The following PTPRD variants were observed in gnomAD, a reference collection of about 807,000 sequenced individuals.
PTPRD encodes the protein receptor-type tyrosine-protein phosphatase delta.
Under a neutral mutation model 214.5 loss-of-function variants are expected in PTPRD, and 34 were observed. The observed-to-expected ratio is 0.16, with a 90% CI of 0.12 to 0.21. PTPRD has a LOEUF of 0.21. Among genes scored for constraint, PTPRD ranks in the 10% least tolerant of loss-of-function variants. The pLI is 1.00. For missense variants in PTPRD, 2,545 were observed against 2,398.7 expected (o/e 1.06, Z -1.27); for synonymous variants, 1,128 against 845.7 (o/e 1.33, Z -5.79).
At chr9:10,156,931 G>T (rs774599175) in intron 3 of PTPRD, among the ~76,000 whole-genome samples, 2 of 151,998 alleles carry the variant, frequency 1.3e-5, no homozygotes, top group South Asian at 2.1e-4. Flanking sequence ...AGTCTGTTTT[G>T]TCTGAAACTA....
rs1419362026 is a variant in PTPRD, at chr9:9,947,505, T to C, written c.-471-8895A>G. 7.4e-4 allele frequency among the ~76,000 whole-genome samples: 21 copies of C among 28,442 alleles called. 1 individual carries two copies. The highest frequency in any genetic ancestry group is 1.1e-3 in the Non-Finnish European group (19 of 18,070). 18.7% of individuals were successfully genotyped at this position (28,442 alleles called of 152,430 possible). On this transcript the variant is annotated intron_variant, in intron 4 of 45. Transcript: ENST00000381196. ...TTTTATATATATTATATATATTTTA[T>C]ATATATAATATATATATTATATATA... is the stretch of plus-strand genomic sequence containing the variant.
At chr9:9,038,589 C>G (rs571717959) in intron 10 of PTPRD, among the ~76,000 whole-genome samples, 22 of 131,392 alleles carry the variant, frequency 1.7e-4, no homozygotes, top group Non-Finnish European at 6.2e-5. Context: ...GAGTTTCGCT[C>G]TTGTTGCCCA....
At chr9:9,888,697 T>G (rs1018558781) in intron 5 of PTPRD, among the ~76,000 whole-genome samples, 2 of 152,174 alleles carry the variant, frequency 1.3e-5, no homozygotes, top group Admixed American at 1.3e-4. Flanking sequence ...TACAGATTCT[T>G]GTGCCATGCT....
chr9:8,786,314 A>G (rs1227822674), intron 11 of PTPRD, among the ~76,000 whole-genome samples: 1 of 151,894 alleles, frequency 6.6e-6, no homozygotes, highest in Non-Finnish European at 1.5e-5. Flanking sequence ...AGTGTGTTCA[A>G]TGCCGTGGTT....
chr9:9,866,803 C>T (rs1352318991), intron 5 of PTPRD, among the ~76,000 whole-genome samples: 1 of 151,988 alleles, frequency 6.6e-6, no homozygotes, highest in Non-Finnish European at 1.5e-5. Flanking sequence ...CTTTAAGTAG[C>T]TTCTAAGTTT....
intron 5 of PTPRD, among the ~76,000 whole-genome samples, chr9:9,804,058 T>C (rs1486708160): frequency 6.6e-6 from 1 of 152,088 alleles, no homozygotes; most frequent in Non-Finnish European, 1.5e-5. Flanking sequence ...GTGTGTGAGT[T>C]ATTTTTTTTC....
intron 12 of PTPRD, among the ~76,000 whole-genome samples, chr9:8,692,570 C>G (rs545584355): frequency 8.5e-5 from 13 of 152,252 alleles, no homozygotes; most frequent in African/African-American, 2.9e-4. Flanking sequence ...GCAATCTCTA[C>G]CATAGGAAAG....
At chr9:8,855,621 C>G (rs1411123741) in intron 11 of PTPRD, among the ~76,000 whole-genome samples, 2 of 152,046 alleles carry the variant, frequency 1.3e-5, no homozygotes, top group Non-Finnish European at 2.9e-5. Flanking sequence ...CAGATGATTT[C>G]TATGCAAAGT....
intron 5 of PTPRD, among the ~76,000 whole-genome samples, chr9:9,937,661 T>A (rs2090041533): frequency 6.6e-6 from 1 of 152,202 alleles, no homozygotes; most frequent in African/African-American, 2.4e-5. Flanking sequence ...TTCTTGTATC[T>A]ATTTTATAGC....
At chr9:8,975,548 A>G (rs2099263584) in intron 11 of PTPRD, among the ~76,000 whole-genome samples, 1 of 152,026 alleles carries the variant, frequency 6.6e-6, no homozygotes, top group Non-Finnish European at 1.5e-5. Context: ...TCTGAAATTA[A>G]TGTTATATTA....
At chr9:10,511,878 G>GTGTGTGTGTGTGTA (rs1555453789) in intron 2 of PTPRD, among the ~76,000 whole-genome samples, 2 of 133,810 alleles carry the variant, frequency 1.5e-5, no homozygotes, top group South Asian at 4.6e-4. Context: ...GTGTGTGTGT[G>GTGTGTGTGTGTGTA]TATATACACA....
At chr9:8,672,538 T>C (rs2097307142) in intron 12 of PTPRD, among the ~76,000 whole-genome samples, 1 of 152,280 alleles carries the variant, frequency 6.6e-6, no homozygotes, top group South Asian at 2.1e-4. Flanking sequence ...CATTTAACTC[T>C]ACCTTCTTAT....
At chr9:9,330,837 T>C (rs1000454304) in intron 9 of PTPRD, among the ~76,000 whole-genome samples, 2 of 151,592 alleles carry the variant, frequency 1.3e-5, no homozygotes, top group Non-Finnish European at 2.9e-5. Context: ...GAAAGAGACA[T>C]GGGATATTTC....
At chr9:9,939,660 C>G (rs895426973) in intron 4 of PTPRD, among the ~76,000 whole-genome samples, 3 of 152,168 alleles carry the variant, frequency 2.0e-5, no homozygotes, top group African/African-American at 2.4e-5. Context: ...GTAACACCCT[C>G]TGTGAATGAA....
intron 6 of PTPRD, among the ~76,000 whole-genome samples, chr9:9,762,990 C>A (rs2098673251): frequency 6.6e-6 from 1 of 152,158 alleles, no homozygotes; most frequent in African/African-American, 2.4e-5. Flanking sequence ...TGGTTGCCAT[C>A]TTGCTGTGTG....
intron 3 of PTPRD, among the ~76,000 whole-genome samples, chr9:10,133,989 G>C (rs1486979745): frequency 1.3e-5 from 2 of 152,040 alleles, no homozygotes; most frequent in Non-Finnish European, 2.9e-5. Flanking sequence ...ATCAAAACTA[G>C]TATGTAAAAT....
chr9:8,725,236 A>G (rs2098544700), intron 12 of PTPRD, among the ~76,000 whole-genome samples: 1 of 152,160 alleles, frequency 6.6e-6, no homozygotes, highest in African/African-American at 2.4e-5. Flanking sequence ...TTGGCTGCTT[A>G]TTTTCTTCCC....
intron 8 of PTPRD, among the ~76,000 whole-genome samples, chr9:9,527,210 C>G (rs1032822846): frequency 6.6e-6 from 1 of 152,150 alleles, no homozygotes; most frequent in Admixed American, 6.5e-5. Context: ...GTTTTCTAAT[C>G]TTAAATCAAT....
intron 30 of PTPRD, among the ~76,000 whole-genome samples, chr9:8,480,359 A>C (rs2096854976): frequency 6.6e-6 from 1 of 152,072 alleles, no homozygotes; most frequent in African/African-American, 2.4e-5. Context: ...TTTCTCTAGG[A>C]CTGCTGAACT....
Sources: allele counts gnomAD v4.1 joint callset (sites outside exome capture counted in the v4.1 genomes callset), GRCh38; gene constraint gnomAD v4.1.1; transcripts MANE v1.5; gene names NCBI Gene and HGNC (gene_info 2026-07-23, HGNC 2026-07-21).